The following ARMC2 variants were observed in gnomAD, a reference collection of about 807,000 sequenced individuals.
ARMC2 encodes the protein armadillo repeat containing 2, also known as armadillo repeat-containing protein 2.
ARMC2 carries 67 observed loss-of-function variants against 90.3 expected under a neutral mutation model. The observed-to-expected ratio is 0.74, with a 90% CI of 0.61 to 0.91. The LOEUF (loss-of-function observed/expected upper bound fraction) is 0.91, where lower values mean the gene tolerates loss of function less well. Among genes scored for constraint, ARMC2 ranks in the 40% least tolerant of loss-of-function variants. The pLI, the probability that ARMC2 is intolerant of heterozygous loss-of-function variation, is 0.00. For synonymous variants in ARMC2, 393 were observed against 393.0 expected, an observed-to-expected ratio of 1.00 and a Z score of 0.00; for missense variants, 920 against 1,030.9, an observed-to-expected ratio of 0.89 and a Z score of 1.47.
At chr6:108,938,663 G>A (rs1280250854) in intron 12 of ARMC2, among the ~76,000 whole-genome samples, 1 of 106,850 alleles carries the variant, frequency 9.4e-6, no homozygotes, top group East Asian at 3.4e-4. Context: ...TTTAATTAGA[G>A]AAGATTTATT....
At chr6:108,954,544 A>G (rs1777424976) in intron 13 of ARMC2, among the ~76,000 whole-genome samples, 2 of 152,128 alleles carry the variant, frequency 1.3e-5, no homozygotes, top group African/African-American at 2.4e-5. Context: ...AATCGCTTGA[A>G]CTCAGGAGAC....
the ARMC2 span, among the ~76,000 whole-genome samples, chr6:108,980,857 T>A: frequency 1.9e-4 from 29 of 152,094 alleles, no homozygotes; most frequent in Non-Finnish European, 5.9e-5. Context: ...GCCACTGCAC[T>A]ATAGCCTGGG....
At position 108,937,001 on chromosome 6, in the gene ARMC2, T is replaced by A. The variant is rs1776009125; in HGVS notation, c.1596+2T>A. 6.3e-7 allele frequency: 1 copy of A among 1,576,226 alleles called. No individual in the cohort carries two copies. The highest frequency in any genetic ancestry group is 8.6e-7 in the Non-Finnish European group (1 of 1,157,412). On this transcript the variant is annotated splice_donor_variant, in intron 12 of 17. Transcript: ENST00000392644. LOFTEE classifies it high-confidence loss of function. ...ATTAACAAATACCAGAAGAAGCAGG[T>A]CAGTTCTTCATTCATTTAATTCTTC...
intron 13 of ARMC2, among the ~76,000 whole-genome samples, chr6:108,954,931 C>T (rs568431266): frequency 2.3e-4 from 35 of 152,264 alleles, no homozygotes; most frequent in African/African-American, 5.3e-4. Context: ...ACCGAGATGC[C>T]GGCAGGGTCA....
the ARMC2 span, among the ~76,000 whole-genome samples, chr6:109,038,672 T>C: frequency 2.6e-5 from 4 of 152,222 alleles, no homozygotes; most frequent in Non-Finnish European, 2.9e-5. Flanking sequence ...TGGGACAGAA[T>C]TGCCTATGCA....
intron 4 of ARMC2, among the ~76,000 whole-genome samples, chr6:108,870,195 C>T (rs1013511694): frequency 1.3e-5 from 2 of 152,036 alleles, no homozygotes; most frequent in African/African-American, 4.8e-5. Context: ...GATCACAGCC[C>T]CCACCTGAGC....
intron 10 of ARMC2, among the ~76,000 whole-genome samples, chr6:108,925,240 CT>C (rs1002251069): frequency 2.6e-5 from 4 of 152,106 alleles, no homozygotes; most frequent in African/African-American, 9.7e-5. Flanking sequence ...TACTCCTCTG[CT>C]TTCAAAAAAA....
intron 6 of ARMC2, among the ~76,000 whole-genome samples, chr6:108,898,294 C>G (rs1295577512): frequency 3.9e-5 from 6 of 152,200 alleles, no homozygotes; most frequent in Non-Finnish European, 7.3e-5. Context: ...CTCTCTCTCT[C>G]TTCCAACCTC....
At chr6:109,010,187 C>T in the ARMC2 span, among the ~76,000 whole-genome samples, 1 of 152,004 alleles carries the variant, frequency 6.6e-6, no homozygotes, top group South Asian at 2.1e-4. Context: ...TCTAATATTC[C>T]TTCATAAGCG....
intron 12 of ARMC2, among the ~76,000 whole-genome samples, chr6:108,944,682 G>A (rs1019437973): frequency 1.3e-4 from 20 of 152,302 alleles, no homozygotes; most frequent in African/African-American, 4.8e-4. Flanking sequence ...GTTGTAGTTT[G>A]CAACAGTTAA....
At chr6:108,992,749 T>C in the ARMC2 span, 7 of 1,272,078 alleles carry the variant, frequency 5.5e-6, no homozygotes, top group Non-Finnish European at 5.8e-6. Flanking sequence ...GACTGAGATA[T>C]TTCTAGTCAA....
At chr6:108,889,158 A>AT (rs1156800990) in intron 5 of ARMC2, among the ~76,000 whole-genome samples, 1 of 151,778 alleles carries the variant, frequency 6.6e-6, no homozygotes, top group African/African-American at 2.4e-5. Context: ...TATTATTATT[A>AT]TTTTTTGAGG....
the ARMC2 span, among the ~76,000 whole-genome samples, chr6:109,015,271 T>G: frequency 6.6e-6 from 1 of 152,140 alleles, no homozygotes; most frequent in African/African-American, 2.4e-5. Context: ...TCCTTGGAAC[T>G]CATAGATACC....
At chr6:109,046,772 G>C in the ARMC2 span, among the ~76,000 whole-genome samples, 28 of 137,262 alleles carry the variant, frequency 2.0e-4, no homozygotes, top group African/African-American at 6.5e-4. Flanking sequence ...CTGCCCGGCC[G>C]AGACCCCGTC....
At chr6:108,890,109 G>T (rs989673755) in intron 5 of ARMC2, among the ~76,000 whole-genome samples, 1 of 144,348 alleles carries the variant, frequency 6.9e-6, no homozygotes, top group Admixed American at 7.0e-5. Context: ...AGAATGGCGT[G>T]AACCCGGGAG....
intron 17 of ARMC2, among the ~76,000 whole-genome samples, chr6:108,970,413 C>T (rs1232872385): frequency 6.6e-6 from 1 of 151,948 alleles, no homozygotes; most frequent in Non-Finnish European, 1.5e-5. Flanking sequence ...GGCCACACTG[C>T]TCAGCCGCCA....
chr6:108,980,015 G>A, the ARMC2 span, among the ~76,000 whole-genome samples: 21 of 151,774 alleles, frequency 1.4e-4, no homozygotes, highest in East Asian at 1.2e-3. Context: ...CTCATTCTCC[G>A]TCCAGTTTTG....
intron 5 of ARMC2, among the ~76,000 whole-genome samples, chr6:108,891,097 C>T (rs921106243): frequency 6.6e-5 from 10 of 152,154 alleles, no homozygotes; most frequent in African/African-American, 2.2e-4. Flanking sequence ...TTTTTTATGG[C>T]CGCATACTAT....
chr6:109,033,778 A>G, the ARMC2 span, among the ~76,000 whole-genome samples: 1 of 152,228 alleles, frequency 6.6e-6, no homozygotes, highest in Non-Finnish European at 1.5e-5. Flanking sequence ...TCAGGTTGCC[A>G]TCTGGACAGA....
Sources: allele counts gnomAD v4.1 joint callset (sites outside exome capture counted in the v4.1 genomes callset), GRCh38; gene constraint gnomAD v4.1.1; transcripts MANE v1.5; gene names NCBI Gene and HGNC (gene_info 2026-07-23, HGNC 2026-07-21).